Variants in FXYD6 observed in about 807,000 individuals in gnomAD.
FXYD6 encodes FXYD domain containing ion transport regulator 6, also known as FXYD domain-containing ion transport regulator 6.
FXYD6 carries 7 observed loss-of-function variants against 16.7 expected under a neutral mutation model. The ratio of observed to expected loss-of-function variants is 0.42; its 90% CI spans 0.24 to 0.79. The LOEUF (loss-of-function observed/expected upper bound fraction) is 0.79. Among genes scored for constraint, FXYD6 ranks in the 30% least tolerant of loss-of-function variants. The pLI, the probability that FXYD6 is intolerant of heterozygous loss-of-function variation, is 0.28. For synonymous variants in FXYD6, 49 were observed against 43.0 expected (o/e 1.14, Z -0.54); for missense variants, 111 against 116.2 (o/e 0.95, Z 0.21).
chr11:117,863,914 A>G (rs985217035), intron 1 of FXYD6, among the ~76,000 whole-genome samples: 4 of 152,202 alleles, frequency 2.6e-5, no homozygotes, highest in African/African-American at 9.6e-5. Flanking sequence ...TGAGAAACTC[A>G]TGCAATAGAA....
At chr11:117,842,804 A>C in intron 1 of FXYD6, 23 bp from the exon 2 acceptor site, 1 of 1,553,422 alleles carries the variant, frequency 6.4e-7, no homozygotes, top group Non-Finnish European at 8.7e-7. Context: ...GGAGGAAAAA[A>C]TGATTCTCTG....
chr11:117,856,631 A>G (rs1174008445), intron 1 of FXYD6, among the ~76,000 whole-genome samples: 1 of 152,206 alleles, frequency 6.6e-6, no homozygotes, highest in Non-Finnish European at 1.5e-5. Context: ...GACTATTATT[A>G]TATGCAAAGG....
intron 1 of FXYD6, among the ~76,000 whole-genome samples, chr11:117,862,142 G>C (rs1207967915): frequency 6.6e-6 from 1 of 152,230 alleles, no homozygotes; most frequent in East Asian, 1.9e-4. Flanking sequence ...AAAGAAAGAG[G>C]CTTCGAGACG....
At chr11:117,864,846 A>G (rs1376185109) in intron 1 of FXYD6, among the ~76,000 whole-genome samples, 1 of 152,188 alleles carries the variant, frequency 6.6e-6, no homozygotes, top group Non-Finnish European at 1.5e-5. Context: ...CGGCCTCCCA[A>G]AGTGCTGGGA....
intron 1 of FXYD6, among the ~76,000 whole-genome samples, chr11:117,845,094 G>T (rs1397047237): frequency 6.6e-6 from 1 of 152,138 alleles, no homozygotes; most frequent in Admixed American, 6.5e-5. Flanking sequence ...CCAATCTCGG[G>T]TTCCAAGACA....
chr11:117,858,811 G>A (rs1259252399), intron 1 of FXYD6, among the ~76,000 whole-genome samples: 1 of 136,652 alleles, frequency 7.3e-6, no homozygotes, highest in African/African-American at 2.7e-5. Context: ...GTCTCGCTCT[G>A]TCACCAGGCT....
Position 117,870,142 on chromosome 11 carries a change from C to T in FXYD6, c.-6+6450G>A, listed in dbSNP as rs567919300. 2.0e-5 allele frequency among the ~76,000 whole-genome samples: 3 copies of T among 152,370 alleles called. No homozygotes were observed. Among genetic ancestry groups the T allele is most frequent in the African/African-American group, 7.2e-5 (3 of 41,590 alleles). Reference sequence around the variant, plus strand: ...GAAGCAGAAACACAGAACAGTACTGCGAGGCCAACTCAGGCACAGGCCAAT... The same window carrying T: ...GAAGCAGAAACACAGAACAGTACTGTGAGGCCAACTCAGGCACAGGCCAAT... On this transcript the variant is annotated intron_variant, in intron 1 of 7. Transcript: ENST00000526014. The surrounding 1 kb of genome is among the most constrained non-coding windows in gnomAD (Gnocchi z 4.2).
At chr11:117,871,609 TA>T (rs1468035144) in intron 1 of FXYD6, among the ~76,000 whole-genome samples, 1 of 152,198 alleles carries the variant, frequency 6.6e-6, no homozygotes, top group African/African-American at 2.4e-5. Context: ...CTTGAAAGAA[TA>T]AACACTTGGG....
In FXYD6 at chr11:117,870,163, C is replaced by T. The variant is rs182183086; in HGVS notation, c.-6+6429G>A. ...ACTGCGAGGCCAACTCAGGCACAGG[C>T]CAATGCCGCGCCTTGCCCAGAGGGA... On this transcript the variant is annotated intron_variant, in intron 1 of 7. Coordinates refer to ENST00000526014, the MANE Select transcript of FXYD6 (RefSeq NM_022003.4). The surrounding 1 kb of genome is among the most constrained non-coding windows in gnomAD (Gnocchi z 4.2). Among the ~76,000 whole-genome samples, 1 of 152,284 alleles carries T rather than the reference C, an allele frequency of 6.6e-6. No homozygotes were observed. Among genetic ancestry groups the T allele is most frequent in the Non-Finnish European group, 1.5e-5 (1 of 68,054 alleles).
Position 117,872,351 on chromosome 11 carries a change from C to T in FXYD6, c.-6+4241G>A, listed in dbSNP as rs1181508869. Among the ~76,000 whole-genome samples the T allele has an allele frequency of 6.6e-6, 1 of 152,116 alleles. No individual in the cohort carries two copies. The highest frequency in any genetic ancestry group is 1.9e-4 in the East Asian group (1 of 5,186). On this transcript the variant is annotated intron_variant, in intron 1 of 7. Transcript: ENST00000526014. This position sits in a 1 kb window ranked among gnomAD's most constrained non-coding sequence, Gnocchi z 4.9. ...TGGAGGAAGAAAGTCGCAGGGCCTCCTGGTAGGATGTGGACATGAGGTGGA... is the reference window on the plus strand; with the variant it reads ...TGGAGGAAGAAAGTCGCAGGGCCTCTTGGTAGGATGTGGACATGAGGTGGA...
At chr11:117,876,014 G>A (rs1224361239) in intron 1 of FXYD6, among the ~76,000 whole-genome samples, 1 of 152,098 alleles carries the variant, frequency 6.6e-6, no homozygotes, top group African/African-American at 2.4e-5. Context: ...AGACAAGAAG[G>A]AGGGAAAAAA....
At chr11:117,850,948 A>G (rs1280318019) in intron 1 of FXYD6, among the ~76,000 whole-genome samples, 1 of 152,228 alleles carries the variant, frequency 6.6e-6, no homozygotes, top group African/African-American at 2.4e-5. Flanking sequence ...TATAATAGTT[A>G]TTAGGCAGAA....
At chr11:117,863,477 A>T (rs970419116) in intron 1 of FXYD6, among the ~76,000 whole-genome samples, 5 of 140,360 alleles carry the variant, frequency 3.6e-5, no homozygotes, top group South Asian at 2.4e-4. Flanking sequence ...CCATAAGTTT[A>T]AAAAAAAAAA....
chr11:117,863,316 A>T (rs768049400), intron 1 of FXYD6, among the ~76,000 whole-genome samples: 3 of 152,332 alleles, frequency 2.0e-5, no homozygotes, highest in Middle Eastern at 3.4e-3. Context: ...AAATCAAGCA[A>T]TATAATATAC....
Position 117,841,514 on chromosome 11 carries a change from T to G in FXYD6, c.172+277A>C, listed in dbSNP as rs1044106104. Reference sequence around the variant, plus strand: ...AGCACCTGTCTCCTTCCTCCGTGACTGCCCCATTCATGCCCTATAGACACA... The same window carrying G: ...AGCACCTGTCTCCTTCCTCCGTGACGGCCCCATTCATGCCCTATAGACACA... On this transcript the variant is annotated intron_variant, in intron 4 of 7. Coordinates refer to ENST00000526014, the MANE Select transcript of FXYD6 (RefSeq NM_022003.4). 8.0e-5 allele frequency: 47 copies of G among 590,058 alleles called. No individual in the cohort carries two copies. The African/African-American group carries it at 8.4e-4, about 11-fold the overall frequency. 36.6% of individuals were successfully genotyped at this position (590,058 alleles called of 1,614,324 possible).
rs200902855 is a variant in FXYD6, at chr11:117,862,945, G to GGAT, written c.-6+13644_-6+13646dup. 7.2e-4 allele frequency among the ~76,000 whole-genome samples: 110 copies of GGAT among 151,862 alleles called. 1 individual carries two copies. The highest frequency in any genetic ancestry group is 1.3e-3 in the South Asian group (6 of 4,794). The stretch of plus-strand genomic sequence containing the variant: ...GTTCCCTGCCCACATTGGTCAAAGG[G>GGAT]GATGATGATGATGATGATGATGATG... On this transcript the variant is annotated intron_variant, in intron 1 of 7. Transcript: ENST00000526014.
At position 117,838,253 on chromosome 11, in the gene FXYD6, A is replaced by T. The variant is rs1429132907; in HGVS notation, c.*46T>A. ...CATCGACATTTGCATCCAAAGGTTCAAGCAGCCGCCTCAGGTTCCAGAGGC... is the reference window on the plus strand; with the variant it reads ...CATCGACATTTGCATCCAAAGGTTCTAGCAGCCGCCTCAGGTTCCAGAGGC... On this transcript the variant is annotated 3_prime_UTR_variant, in exon 8 of 8. Coordinates refer to ENST00000526014, the MANE Select transcript of FXYD6 (RefSeq NM_022003.4). 4 of 702,572 alleles carry T rather than the reference A, an allele frequency of 5.7e-6. No individual in the cohort carries two copies. Among genetic ancestry groups the T allele is most frequent in the Non-Finnish European group, 1.0e-5 (4 of 384,994 alleles). The allele number at this position is 702,572 out of a possible 1,614,324, so 43.5% of individuals were successfully genotyped here.
intron 1 of FXYD6, among the ~76,000 whole-genome samples, chr11:117,856,862 A>C (rs1436168476): frequency 6.6e-6 from 1 of 152,148 alleles, no homozygotes. Flanking sequence ...TCATCCAGTT[A>C]TTTAGGGGCA....
chr11:117,867,701 G>A (rs578256720), intron 1 of FXYD6, among the ~76,000 whole-genome samples: 5 of 152,128 alleles, frequency 3.3e-5, no homozygotes, highest in African/African-American at 9.6e-5. Flanking sequence ...GATGGTCTAC[G>A]TTCCATCTTC....
Sources: allele counts gnomAD v4.1 joint callset (sites outside exome capture counted in the v4.1 genomes callset), GRCh38; gene constraint gnomAD v4.1.1; non-coding constraint Gnocchi (gnomAD v3.1); transcripts MANE v1.5; gene names NCBI Gene and HGNC (gene_info 2026-07-23, HGNC 2026-07-21).